Variants in CTNNA2 observed in about 807,000 individuals in gnomAD.
The protein encoded by CTNNA2 is catenin alpha-2.
A neutral mutation model predicts 101.0 loss-of-function variants in CTNNA2; 42 were observed. The observed-to-expected ratio is 0.42, with a 90% CI of 0.32 to 0.54. The LOEUF is 0.54. Among genes scored for constraint, CTNNA2 ranks in the 20% least tolerant of loss-of-function variants. CTNNA2 has a pLI of 0.14. For synonymous variants in CTNNA2, 450 were observed against 456.4 expected (o/e 0.99, Z 0.18); for missense variants, 871 against 1,223.1 (o/e 0.71, Z 4.29).
At chr2:79,829,394 C>T (rs1318840348) in intron 3 of CTNNA2, among the ~76,000 whole-genome samples, 3 of 149,402 alleles carry the variant, frequency 2.0e-5, no homozygotes, top group Admixed American at 1.3e-4. Flanking sequence ...CACACACACA[C>T]ACACACACAC....
chr2:80,094,868 C>CTT (rs770297591), intron 7 of CTNNA2, among the ~76,000 whole-genome samples: 4 of 151,608 alleles, frequency 2.6e-5, no homozygotes, highest in Admixed American at 6.6e-5. Flanking sequence ...TATCCTGAGA[C>CTT]TGCTGAAGTT....
chr2:80,031,788 T>C (rs1375903289), intron 7 of CTNNA2, among the ~76,000 whole-genome samples: 2 of 152,228 alleles, frequency 1.3e-5, no homozygotes, highest in Admixed American at 1.3e-4. Flanking sequence ...TAAAATCTGT[T>C]TAGGAAAATT....
intron 17 of CTNNA2, among the ~76,000 whole-genome samples, chr2:80,611,974 G>A (rs188116727): frequency 9.2e-5 from 14 of 151,676 alleles, no homozygotes; most frequent in Non-Finnish European, 1.8e-4. Context: ...AAATGTCTCT[G>A]TATTAACAAA....
At chr2:80,441,433 T>C (rs772996522) in intron 9 of CTNNA2, among the ~76,000 whole-genome samples, 4 of 152,196 alleles carry the variant, frequency 2.6e-5, no homozygotes, top group Non-Finnish European at 5.9e-5. Context: ...TATGACAGTT[T>C]TGTTGTTAGT....
At chr2:79,489,081 C>T (rs763286513) in intron 4 of CTNNA2, among the ~76,000 whole-genome samples, 5 of 152,128 alleles carry the variant, frequency 3.3e-5, no homozygotes, top group Non-Finnish European at 7.4e-5. Context: ...CTTTGTATTG[C>T]TCCTACTGCT....
chr2:80,569,279 C>T (rs1234805707), intron 12 of CTNNA2, among the ~76,000 whole-genome samples: 1 of 152,144 alleles, frequency 6.6e-6, no homozygotes, highest in African/African-American at 2.4e-5. Context: ...GATTTCATTA[C>T]TCCTAGGGAT....
intron 7 of CTNNA2, among the ~76,000 whole-genome samples, chr2:80,050,623 G>A (rs1203486231): frequency 1.3e-5 from 2 of 152,170 alleles, no homozygotes; most frequent in African/African-American, 4.8e-5. Context: ...AGGCCAACAG[G>A]TTTCCAAATC....
chr2:79,847,855 G>A (rs1680363004), intron 3 of CTNNA2, among the ~76,000 whole-genome samples: 1 of 152,116 alleles, frequency 6.6e-6, no homozygotes, highest in Non-Finnish European at 1.5e-5. Flanking sequence ...TAGCATGTTT[G>A]ATGCTCGCGT....
intron 9 of CTNNA2, among the ~76,000 whole-genome samples, chr2:80,544,146 T>G (rs965606883): frequency 6.6e-5 from 10 of 152,038 alleles, no homozygotes; most frequent in Non-Finnish European, 1.3e-4. Context: ...AGCATAGTGT[T>G]CCTAAAAATC....
At chr2:79,884,438 C>G (rs1683684209) in intron 6 of CTNNA2, among the ~76,000 whole-genome samples, 1 of 152,182 alleles carries the variant, frequency 6.6e-6, no homozygotes, top group African/African-American at 2.4e-5. Flanking sequence ...CTGAGTGTCT[C>G]CAGAGACTGT....
At chr2:80,526,242 T>C (rs974630126) in intron 9 of CTNNA2, among the ~76,000 whole-genome samples, 2 of 152,072 alleles carry the variant, frequency 1.3e-5, no homozygotes, top group Non-Finnish European at 2.9e-5. Context: ...CTCTGTCACC[T>C]AGGCTGGAGT....
At chr2:79,835,809 T>G (rs938362625) in intron 3 of CTNNA2, among the ~76,000 whole-genome samples, 1 of 151,298 alleles carries the variant, frequency 6.6e-6, no homozygotes, top group African/African-American at 2.4e-5. Context: ...ATTTTTGTAT[T>G]TTTAGTAGAG....
chr2:79,332,175 G>C (rs1429893544), intron 3 of CTNNA2, among the ~76,000 whole-genome samples: 2 of 152,008 alleles, frequency 1.3e-5, no homozygotes, highest in Non-Finnish European at 2.9e-5. Context: ...CCAAAGGCTT[G>C]TGAATAAAAG....
At chr2:80,327,932 A>C (rs949016642) in intron 7 of CTNNA2, among the ~76,000 whole-genome samples, 4 of 151,882 alleles carry the variant, frequency 2.6e-5, no homozygotes, top group Non-Finnish European at 5.9e-5. Flanking sequence ...TATATGTATA[A>C]ATGTTTTTTT....
At chr2:79,636,886 T>C (rs1264908506) in intron 1 of CTNNA2, 1 of 152,182 alleles carries the variant, frequency 6.6e-6, no homozygotes, top group Non-Finnish European at 1.5e-5. Context: ...CTGCATAAAT[T>C]TGCTTGTCAT....
intron 7 of CTNNA2, chr2:80,162,571 G>T: frequency 1.2e-6 from 2 of 1,609,650 alleles, no homozygotes; most frequent in South Asian, 1.1e-5. Context: ...CTGTAATGAT[G>T]GTCAGACCCA....
At chr2:79,526,007 A>G (rs1481172024) in intron 1 of CTNNA2, among the ~76,000 whole-genome samples, 1 of 151,986 alleles carries the variant, frequency 6.6e-6, no homozygotes, top group Non-Finnish European at 1.5e-5. Flanking sequence ...TTTGCTGTTT[A>G]TGAATAGCTG....
chr2:79,657,213 A>G (rs1374460697), intron 2 of CTNNA2, among the ~76,000 whole-genome samples: 2 of 151,918 alleles, frequency 1.3e-5, no homozygotes, highest in Non-Finnish European at 2.9e-5. Context: ...ATTATGGAAA[A>G]TATATAAAGA....
At chr2:80,630,241 TCTTA>T (rs1207635926) in intron 18 of CTNNA2, among the ~76,000 whole-genome samples, 5 of 152,196 alleles carry the variant, frequency 3.3e-5, no homozygotes, top group Non-Finnish European at 4.4e-5. Flanking sequence ...GGCTTTCACT[TCTTA>T]CTTTTTACAA....
Sources: allele counts gnomAD v4.1 joint callset (sites outside exome capture counted in the v4.1 genomes callset), GRCh38; gene constraint gnomAD v4.1.1; transcripts MANE v1.5; gene names NCBI Gene and HGNC (gene_info 2026-07-23, HGNC 2026-07-21).